The following FBN2 variants were observed in gnomAD, a reference collection of about 807,000 sequenced individuals.
FBN2 encodes fibrillin 2, also known as fibrillin-2.
In FBN2, 105 loss-of-function variants were observed where a neutral mutation model predicts 355.6. The observed-to-expected ratio is 0.30, with a 90% CI of 0.25 to 0.35. The LOEUF is 0.35. Ranked by LOEUF, FBN2 falls within the 10% of genes least tolerant of loss-of-function variation. The pLI is 1.00. For missense variants in FBN2, 3,280 were observed against 3,758.7 expected (o/e 0.87, Z 3.33); for synonymous variants, 1,350 against 1,301.2 (o/e 1.04, Z -0.81).
At chr5:128,320,994 C>T (rs778764665) in intron 34 of FBN2, among the ~76,000 whole-genome samples, 2 of 151,998 alleles carry the variant, frequency 1.3e-5, no homozygotes, top group African/African-American at 4.8e-5. Context: ...TGGCAGTTTA[C>T]CATAATTTCC....
chr5:128,266,653 C>T (rs1214842410), intron 62 of FBN2, among the ~76,000 whole-genome samples: 1 of 152,076 alleles, frequency 6.6e-6, no homozygotes, highest in East Asian at 1.9e-4. Context: ...TAAATTGGCA[C>T]TCCATGCATT....
intron 43 of FBN2, 76 bp from the exon 44 acceptor site, chr5:128,305,712 T>G (rs1464315724): frequency 1.9e-6 from 3 of 1,600,348 alleles, no homozygotes; most frequent in Non-Finnish European, 8.6e-7. Context: ...CACACTTTGA[T>G]GATCAACTCT....
At chr5:128,348,208 G>A (rs1751239298) in intron 23 of FBN2, among the ~76,000 whole-genome samples, 1 of 151,998 alleles carries the variant, frequency 6.6e-6, no homozygotes, top group Non-Finnish European at 1.5e-5. Flanking sequence ...TAGTCATTTG[G>A]CCATACTGAT....
chr5:128,378,620 T>C, intron 12 of FBN2, 151 bp downstream of exon 12: 2 of 854,010 alleles, frequency 2.3e-6, no homozygotes, highest in Non-Finnish European at 3.7e-6. Context: ...TGTTTATGTT[T>C]AAAGGAGAAT....
intron 11 of FBN2, among the ~76,000 whole-genome samples, chr5:128,383,002 A>C (rs1370167330): frequency 7.2e-5 from 11 of 152,258 alleles, no homozygotes; most frequent in African/African-American, 2.4e-4. Flanking sequence ...CATGGTTTTC[A>C]AGAAACTTGA....
intron 5 of FBN2, among the ~76,000 whole-genome samples, chr5:128,470,868 C>A (rs574034430): frequency 6.6e-6 from 1 of 152,292 alleles, no homozygotes; most frequent in East Asian, 1.9e-4. Flanking sequence ...AAGCTTCCCA[C>A]ATACTTTAAT....
At position 128,310,392 on chromosome 5, in the gene FBN2, ATATATATATATTTTT is replaced by A. The variant is rs1221812324; in HGVS notation, c.5075-299_5075-285del. ...TATATATATATATATATATATATAT[ATATATATATATTTTT>A]TTTTTTTTTTTTTTATTGCAATTCG... On this transcript the variant is annotated intron_variant, in intron 39 of 64. Coordinates refer to ENST00000262464, the MANE Select transcript of FBN2 (RefSeq NM_001999.4). Among the ~76,000 whole-genome samples the A allele has an allele frequency of 0.18, 5,341 of 29,716 alleles. 166 individuals carry two copies. Among genetic ancestry groups the A allele is most frequent in the South Asian group, 0.37 (360 of 964 alleles). 19.5% of individuals were successfully genotyped at this position (29,716 alleles called of 152,430 possible). A position where few individuals can be genotyped will look rare whatever the true frequency, so the allele number is the denominator to read the frequency against.
At chr5:128,347,896 A>T (rs1751227468) in intron 23 of FBN2, among the ~76,000 whole-genome samples, 1 of 151,948 alleles carries the variant, frequency 6.6e-6, no homozygotes, top group Admixed American at 6.6e-5. Context: ...CTCCTGCTTC[A>T]GTCCCTCGAG....
intron 9 of FBN2, 125 bp downstream of exon 9, chr5:128,394,997 G>T: frequency 9.6e-7 from 1 of 1,044,936 alleles, no homozygotes; most frequent in Non-Finnish European, 1.5e-6. Context: ...TGTTGCCCAG[G>T]CTGGTTTTGA....
At position 128,263,172 on chromosome 5, in the gene FBN2, T is replaced by C. The variant is rs201678828; in HGVS notation, c.8192+253A>G. Among the ~76,000 whole-genome samples the C allele has an allele frequency of 4.6e-5, 7 of 152,322 alleles. No individual in the cohort carries two copies. In the East Asian group the frequency reaches 1.3e-3, roughly 29 times the overall value. On this transcript the variant is annotated intron_variant, in intron 63 of 64. Coordinates refer to ENST00000262464, the MANE Select transcript of FBN2 (RefSeq NM_001999.4). ...GGTCAAATTGAATCAATTCAGGCCC[T>C]TAATAAGAGGAGCAAAGAGTGATAT...
intron 52 of FBN2, 65 bp downstream of exon 52, chr5:128,289,062 C>A (rs563249159): frequency 1.0e-5 from 16 of 1,552,708 alleles, no homozygotes; most frequent in East Asian, 4.5e-5. Context: ...ACCTGAGAGA[C>A]CTTTTACTGA....
At chr5:128,529,495 G>C (rs1462437545) in intron 3 of FBN2, among the ~76,000 whole-genome samples, 1 of 152,168 alleles carries the variant, frequency 6.6e-6, no homozygotes, top group Non-Finnish European at 1.5e-5. Context: ...CTGATGAAAT[G>C]GAAGGATTGC....
At chr5:128,323,438 A>G (rs1341629051) in intron 34 of FBN2, among the ~76,000 whole-genome samples, 1 of 152,132 alleles carries the variant, frequency 6.6e-6, no homozygotes, top group Non-Finnish European at 1.5e-5. Flanking sequence ...TTCCATCTAT[A>G]TCAAGTTTAT....
intron 26 of FBN2, 72 bp downstream of exon 26, chr5:128,338,861 A>G (rs953623851): frequency 8.9e-5 from 136 of 1,533,030 alleles, no homozygotes; most frequent in Non-Finnish European, 1.2e-4. Flanking sequence ...AGAGATAAGC[A>G]AAGGTCATGC....
intron 8 of FBN2, among the ~76,000 whole-genome samples, chr5:128,396,260 G>T (rs1752647652): frequency 6.6e-6 from 1 of 152,182 alleles, no homozygotes; most frequent in African/African-American, 2.4e-5. Context: ...ACAAGACAAG[G>T]CTCCTCTTTA....
At position 128,287,128 on chromosome 5, in the gene FBN2, T is replaced by G. The variant is rs561444237; in HGVS notation, c.6880+180A>C. 3.3e-5 allele frequency among the ~76,000 whole-genome samples: 5 copies of G among 152,324 alleles called. No individual in the cohort carries two copies. In the East Asian group the frequency reaches 9.6e-4, roughly 29 times the overall value. ...TCAACCCATCTTATCTCGGACTTGA[T>G]TTTACAAAAATACCATCATGTGTCT... On this transcript the variant is annotated intron_variant, in intron 54 of 64. Coordinates refer to ENST00000262464, the MANE Select transcript of FBN2 (RefSeq NM_001999.4).
chr5:128,414,852 G>A (rs1187111209), intron 7 of FBN2, among the ~76,000 whole-genome samples: 1 of 151,916 alleles, frequency 6.6e-6, no homozygotes, highest in Non-Finnish European at 1.5e-5. Context: ...ATTATAACTT[G>A]GTTTGCATTT....
In FBN2 at chr5:128,537,938, A is replaced by C; in HGVS notation, c.-335T>G. The C allele has an allele frequency of 2.6e-6, 1 of 385,210 alleles. No homozygotes were observed. Among genetic ancestry groups the C allele is most frequent in the Non-Finnish European group, 4.6e-6 (1 of 215,498 alleles). 23.9% of individuals were successfully genotyped at this position (385,210 alleles called of 1,614,324 possible). A position where few individuals can be genotyped will look rare whatever the true frequency, so the allele number is the denominator to read the frequency against. ...CAGCGGGCGGGGGAGGAAATTACAA[A>C]AGCCCTGGCGTAAAATTTCAAAAAA... On this transcript the variant is annotated 5_prime_UTR_variant, in exon 1 of 65. Transcript: ENST00000262464.
At chr5:128,366,675 A>T (rs956474981) in intron 16 of FBN2, among the ~76,000 whole-genome samples, 2 of 152,114 alleles carry the variant, frequency 1.3e-5, no homozygotes, top group African/African-American at 4.8e-5. Context: ...AAATGTTACT[A>T]ATATTTTCTA....
Sources: allele counts gnomAD v4.1 joint callset (sites outside exome capture counted in the v4.1 genomes callset), GRCh38; gene constraint gnomAD v4.1.1; transcripts MANE v1.5; gene names NCBI Gene and HGNC (gene_info 2026-07-23, HGNC 2026-07-21).